Variants in ANKRD28 observed in about 807,000 individuals in gnomAD.
The protein encoded by ANKRD28 is serine/threonine-protein phosphatase 6 regulatory ankyrin repeat subunit A.
A neutral mutation model predicts 126.5 loss-of-function variants in ANKRD28; 44 were observed. That is an observed-to-expected ratio of 0.35 (90% CI 0.27 to 0.45). The LOEUF (loss-of-function observed/expected upper bound fraction) is 0.45. Ranked by LOEUF, ANKRD28 falls within the 20% of genes least tolerant of loss-of-function variation. ANKRD28 has a pLI of 1.00. For synonymous variants in ANKRD28, 442 were observed against 468.5 expected, an observed-to-expected ratio of 0.94 and a Z score of 0.73; for missense variants, 1,110 against 1,316.6, an observed-to-expected ratio of 0.84 and a Z score of 2.43.
chr3:15,701,639 C>T lies in ANKRD28; in HGVS notation c.1548-5394G>A, dbSNP rs148953221. Among the ~76,000 whole-genome samples, 326 of 150,978 alleles carry T rather than the reference C, an allele frequency of 2.2e-3. 2 individuals carry two copies. Among genetic ancestry groups the T allele is most frequent in the Non-Finnish European group, 3.9e-3 (264 of 67,928 alleles). ...AGCCTGGGCAAGAAGATCAAAACTC[C>T]GTCTCAAAAAATAAATAAATAAATA... On this transcript the variant is annotated intron_variant, in intron 14 of 27. Transcript: ENST00000683139.
At chr3:15,751,114 T>C (rs1030113756) in intron 4 of ANKRD28, among the ~76,000 whole-genome samples, 14 of 152,158 alleles carry the variant, frequency 9.2e-5, no homozygotes, top group African/African-American at 2.6e-4. Context: ...ATTAACTATA[T>C]AGTTTCCTCA....
In ANKRD28 at chr3:15,795,897, G is replaced by A. The variant is rs187433374; in HGVS notation, c.117+508C>T. Among the ~76,000 whole-genome samples the A allele has an allele frequency of 1.2e-4, 18 of 152,168 alleles. No homozygotes were observed. The East Asian group carries it at 3.1e-3, about 26-fold the overall frequency. ...TAATAATTTCTTAATCAACGATACA[G>A]CCTCTTGATAAGGTATACTATACTA... On this transcript the variant is annotated intron_variant, in intron 1 of 27. Coordinates refer to ENST00000683139, the MANE Select transcript of ANKRD28 (RefSeq NM_001349278.2).
intron 1 of ANKRD28, among the ~76,000 whole-genome samples, chr3:15,842,441 T>C (rs1238572114): frequency 6.8e-6 from 1 of 146,718 alleles, no homozygotes; most frequent in Admixed American, 6.8e-5. Context: ...CTGGGAAGGG[T>C]AGTTGGGGGA....
chr3:15,767,482 T>G (rs1439106488), intron 2 of ANKRD28, among the ~76,000 whole-genome samples: 1 of 152,044 alleles, frequency 6.6e-6, no homozygotes, highest in African/African-American at 2.4e-5. Context: ...CTGGCCTCCC[T>G]TGAAGTTGTT....
At chr3:15,674,958 T>G (rs372009578) in intron 27 of ANKRD28, among the ~76,000 whole-genome samples, 2 of 151,950 alleles carry the variant, frequency 1.3e-5, no homozygotes, top group African/African-American at 4.8e-5. Context: ...GGCCTGACTA[T>G]ACGGAAATTA....
chr3:15,773,814 T>G (rs1189384897), intron 2 of ANKRD28, among the ~76,000 whole-genome samples: 1 of 152,176 alleles, frequency 6.6e-6, no homozygotes, highest in Non-Finnish European at 1.5e-5. Flanking sequence ...CAGGATTTCT[T>G]GTAGATATTA....
At chr3:15,721,408 G>A (rs537227545) in intron 7 of ANKRD28, among the ~76,000 whole-genome samples, 34 of 152,162 alleles carry the variant, frequency 2.2e-4, no homozygotes, top group Non-Finnish European at 4.3e-4. Context: ...GGTATTTCAG[G>A]GAAACGTAAA....
At chr3:15,765,638 G>A (rs1190003669) in intron 3 of ANKRD28, among the ~76,000 whole-genome samples, 7 of 152,022 alleles carry the variant, frequency 4.6e-5, no homozygotes, top group South Asian at 2.1e-4. Flanking sequence ...TCAGGAGATC[G>A]AGATCATCCT....
At chr3:15,729,126 A>G (rs1395220119) in intron 6 of ANKRD28, among the ~76,000 whole-genome samples, 2 of 152,214 alleles carry the variant, frequency 1.3e-5, no homozygotes, top group African/African-American at 2.4e-5. Flanking sequence ...AGCCAAAACT[A>G]GTCCTAGGCC....
At chr3:15,737,993 G>C (rs1194693958) in intron 4 of ANKRD28, among the ~76,000 whole-genome samples, 3 of 151,546 alleles carry the variant, frequency 2.0e-5, no homozygotes, top group Admixed American at 2.0e-4. Context: ...CTGTCCAAGG[G>C]ATTTATCTCC....
chr3:15,821,960 CTG>C (rs1197967471), intron 1 of ANKRD28, among the ~76,000 whole-genome samples: 1 of 152,174 alleles, frequency 6.6e-6, no homozygotes, highest in African/African-American at 2.4e-5. Context: ...TCTCTCTCAT[CTG>C]TGTGTAACAG....
At chr3:15,736,984 G>A (rs773127849) in intron 5 of ANKRD28, 49 bp downstream of exon 5, 1 of 1,565,404 alleles carries the variant, frequency 6.4e-7, no homozygotes, top group Non-Finnish European at 8.8e-7. Context: ...AATAAGTGGG[G>A]GGTGGACAGG....
At chr3:15,735,375 T>C (rs750285049) in intron 6 of ANKRD28, 35 bp downstream of exon 6, 1 of 1,459,088 alleles carries the variant, frequency 6.9e-7, no homozygotes, top group Non-Finnish European at 9.3e-7. Flanking sequence ...TTTCTAAATA[T>C]ATAATATCAA....
intron 9 of ANKRD28, among the ~76,000 whole-genome samples, 174 bp downstream of exon 9, chr3:15,714,404 C>T (rs2072731611): frequency 6.6e-6 from 1 of 151,784 alleles, no homozygotes; most frequent in Admixed American, 6.6e-5. Context: ...AAAGATACAG[C>T]TACGTGGTAT....
At chr3:15,738,338 AAGG>A (rs1312891248) in intron 4 of ANKRD28, among the ~76,000 whole-genome samples, 4 of 152,176 alleles carry the variant, frequency 2.6e-5, no homozygotes, top group Non-Finnish European at 4.4e-5. Context: ...TGATTTTCAA[AAGG>A]GGAGGGAGTG....
chr3:15,670,415 G>T lies in ANKRD28; in HGVS notation c.3107C>A (p.Thr1036Asn). 1.2e-6 allele frequency: 2 copies of T among 1,613,952 alleles called. No homozygotes were observed. Among genetic ancestry groups the T allele is most frequent in the Non-Finnish European group, 1.7e-6 (2 of 1,179,864 alleles). ...TFNAINRYTN[T>N]SKTVSFEALP... ...AGCTTCAAAGCTGACTGTTTTTGAG[G>T]TGTTGGTATAACGGTTAATGGCATT... is the stretch of plus-strand genomic sequence containing the variant. The change falls in exon 28 of 28, where the codon ACC becomes AAC. Residue 1036 changes from threonine to asparagine, a missense_variant. Transcript: ENST00000683139.
intron 1 of ANKRD28, among the ~76,000 whole-genome samples, chr3:15,819,635 T>C (rs1370535206): frequency 6.6e-6 from 1 of 152,244 alleles, no homozygotes; most frequent in East Asian, 1.9e-4. Flanking sequence ...TTTGTATTCC[T>C]TGTAAATCAT....
At chr3:15,840,162 C>T (rs1395201533) in intron 1 of ANKRD28, among the ~76,000 whole-genome samples, 2 of 151,970 alleles carry the variant, frequency 1.3e-5, no homozygotes, top group Non-Finnish European at 2.9e-5. Context: ...ACTCCACACA[C>T]AAAAAAACTA....
chr3:15,807,078 A>G (rs1435116904), intron 1 of ANKRD28, among the ~76,000 whole-genome samples: 1 of 152,166 alleles, frequency 6.6e-6, no homozygotes, highest in Non-Finnish European at 1.5e-5. Flanking sequence ...CCTCTGTCAG[A>G]CTCAGCAAGA....
Sources: gnomAD v4.1 joint callset for allele counts (sites outside exome capture counted in the v4.1 genomes callset) on GRCh38, gnomAD v4.1.1 for gene constraint, MANE v1.5 for transcripts, NCBI Gene and HGNC (gene_info 2026-07-23, HGNC 2026-07-21) for gene names.